Variants in WDR49 observed in about 807,000 individuals in gnomAD.
The protein encoded by WDR49 is WD repeat domain 49, also known as cilia- and flagella-associated protein 337.
A neutral mutation model predicts 119.5 loss-of-function variants in WDR49; 107 were observed. The observed-to-expected ratio is 0.90, with a 90% CI of 0.77 to 1.05. WDR49 has a LOEUF of 1.05. Ranked by LOEUF, WDR49 falls within the 50% of genes least tolerant of loss-of-function variation. The probability of loss-of-function intolerance (pLI) is 0.00; values close to 1 mark genes in which losing one functional copy is unlikely to be tolerated. For synonymous variants in WDR49, 425 were observed against 418.8 expected (o/e 1.01, Z -0.18); for missense variants, 1,240 against 1,220.5 (o/e 1.02, Z -0.24).
At chr3:167,652,805 A>C (rs950500015) in intron 2 of WDR49, among the ~76,000 whole-genome samples, 3 of 152,194 alleles carry the variant, frequency 2.0e-5, no homozygotes, top group African/African-American at 7.2e-5. Context: ...GAGCTGTGCC[A>C]CTTAGGGTGA....
intron 16 of WDR49, among the ~76,000 whole-genome samples, chr3:167,517,703 C>CA (rs1752272582): frequency 1.4e-5 from 2 of 140,734 alleles, no homozygotes; most frequent in African/African-American, 5.2e-5. Context: ...TTAACCTTTA[C>CA]TTTTTTTTTC....
intron 5 of WDR49, among the ~76,000 whole-genome samples, chr3:167,610,267 G>C (rs778293192): frequency 6.6e-6 from 1 of 152,156 alleles, no homozygotes; most frequent in Non-Finnish European, 1.5e-5. Context: ...CTTGACTCTT[G>C]GATGGAATTT....
intron 10 of WDR49, among the ~76,000 whole-genome samples, chr3:167,549,475 G>T (rs960790939): frequency 2.0e-5 from 3 of 152,128 alleles, no homozygotes; most frequent in Non-Finnish European, 4.4e-5. Flanking sequence ...GTGTCTGTTG[G>T]CTGCATAAAT....
At chr3:167,630,740 A>G (rs1717332365) in intron 2 of WDR49, among the ~76,000 whole-genome samples, 1 of 152,114 alleles carries the variant, frequency 6.6e-6, no homozygotes, top group South Asian at 2.1e-4. Context: ...CATTGTTCCT[A>G]CGGGAAACAC....
intron 3 of WDR49, 30 bp downstream of exon 3, chr3:167,626,822 G>C: frequency 8.1e-7 from 1 of 1,230,616 alleles, no homozygotes; most frequent in Non-Finnish European, 1.0e-6. Context: ...TCTTTTACAA[G>C]CAGTACATTT....
chr3:167,525,876 C>CT (rs1752612550), intron 15 of WDR49, among the ~76,000 whole-genome samples: 1 of 151,590 alleles, frequency 6.6e-6, no homozygotes, highest in Non-Finnish European at 1.5e-5. Context: ...AAAAACTTCC[C>CT]TTTTCTCCTC....
rs60448205 is a variant in WDR49, at chr3:167,560,784, TAA to T, written c.1510-558_1510-557del. On this transcript the variant is annotated intron_variant, in intron 8 of 18. Transcript: ENST00000682715. ...CTAAACACAATTATTGATAGATTAC[TAA>T]AAAAAAAAAAAAAGAGCACAGGTTA... Among the ~76,000 whole-genome samples, 450 of 135,672 alleles carry T rather than the reference TAA, an allele frequency of 3.3e-3. 5 individuals carry two copies. The highest frequency in any genetic ancestry group is 8.9e-3 in the African/African-American group (333 of 37,288). 89.0% of individuals were successfully genotyped at this position (135,672 alleles called of 152,430 possible).
intron 2 of WDR49, among the ~76,000 whole-genome samples, chr3:167,630,839 A>T (rs1717336716): frequency 6.6e-6 from 1 of 152,100 alleles, no homozygotes; most frequent in South Asian, 2.1e-4. Flanking sequence ...CTTATTTAAT[A>T]TATTGTTAAT....
chr3:167,652,326 G>A (rs1002599814), intron 2 of WDR49, among the ~76,000 whole-genome samples: 1 of 152,132 alleles, frequency 6.6e-6, no homozygotes, highest in Non-Finnish European at 1.5e-5. Context: ...CCTATTACAG[G>A]CTAATATATT....
chr3:167,569,417 C>G (rs1002134773), intron 8 of WDR49, among the ~76,000 whole-genome samples: 1 of 152,002 alleles, frequency 6.6e-6, no homozygotes, highest in Admixed American at 6.6e-5. Flanking sequence ...ACATACGTAT[C>G]TTTTATGCAT....
intron 15 of WDR49, among the ~76,000 whole-genome samples, chr3:167,526,486 A>G (rs1036956453): frequency 9.2e-5 from 14 of 152,114 alleles, no homozygotes; most frequent in African/African-American, 3.4e-4. Context: ...CAGTGGCCTG[A>G]AGCAGGCTTC....
At chr3:167,586,698 G>A (rs955691281) in intron 7 of WDR49, among the ~76,000 whole-genome samples, 52 of 152,176 alleles carry the variant, frequency 3.4e-4, no homozygotes, top group African/African-American at 1.3e-3. Context: ...TTGTAAAGAC[G>A]TAAAGACTGA....
In WDR49 at chr3:167,579,101, T is replaced by A. The variant is rs79184714; in HGVS notation, c.1276-2950A>T. Among the ~76,000 whole-genome samples the A allele has an allele frequency of 6.7e-3, 1,025 of 152,196 alleles. 55 individuals carry two copies. The East Asian group carries it at 0.13, about 20-fold the overall frequency. Reference sequence around the variant, plus strand: ...TGTGAAGAAGGCCCTTGATTCCCCTTCACCTTCTGCCATAATTGTATATTC... The same window carrying A: ...TGTGAAGAAGGCCCTTGATTCCCCTACACCTTCTGCCATAATTGTATATTC... On this transcript the variant is annotated intron_variant, in intron 7 of 18. Coordinates refer to ENST00000682715, the MANE Select transcript of WDR49 (RefSeq NM_001366157.1).
intron 18 of WDR49, among the ~76,000 whole-genome samples, chr3:167,495,212 C>T (rs1751307004): frequency 6.6e-6 from 1 of 151,586 alleles, no homozygotes; most frequent in Non-Finnish European, 1.5e-5. Context: ...AGTTAGTCAA[C>T]CAAGACTTTA....
Position 167,560,218 on chromosome 3 carries a change from G to A in WDR49, c.1520C>T (p.Ser507Phe), listed in dbSNP as rs533599054. 3.1e-6 allele frequency: 5 copies of A among 1,612,468 alleles called. No individual in the cohort carries two copies. Among genetic ancestry groups the A allele is most frequent in the Admixed American group, 1.7e-5 (1 of 59,622 alleles). ...GAAGGAAACAGTAGACCCTGTATCA[G>A]AGCTGATTACCTAAGAGAAAATAAC... ...YNSILKQVIS[S>F]DTGSTVSFWM... The change falls in exon 9 of 19, where the codon TCT (serine) becomes TTT (phenylalanine). Residue 507 changes from serine (S) to phenylalanine (F), a missense_variant. Ser to Phe is a radical substitution (Grantham distance 155, BLOSUM62 -2). Coordinates refer to ENST00000682715, the MANE Select transcript of WDR49 (RefSeq NM_001366157.1).
chr3:167,535,314 T>C (rs1752982926), intron 11 of WDR49, among the ~76,000 whole-genome samples: 1 of 152,022 alleles, frequency 6.6e-6, no homozygotes, highest in Non-Finnish European at 1.5e-5. Flanking sequence ...ACCTACAAAA[T>C]GGGAGAAGAT....
intron 13 of WDR49, among the ~76,000 whole-genome samples, chr3:167,530,693 C>G (rs1239182361): frequency 6.6e-6 from 1 of 152,036 alleles, no homozygotes; most frequent in Non-Finnish European, 1.5e-5. Context: ...CTCTTCCAGC[C>G]TATTTTGATT....
Position 167,513,858 on chromosome 3 carries a change from C to CA in WDR49, c.2775-8443dup, listed in dbSNP as rs891670234. ...TTAAACTAACAAAGATCAAAAAAGA[C>CA]AAAAAAAGGCATTACATAATGGTAA... is the stretch of plus-strand genomic sequence containing the variant. On this transcript the variant is annotated intron_variant, in intron 16 of 18. Coordinates refer to ENST00000682715, the MANE Select transcript of WDR49 (RefSeq NM_001366157.1). 2.0e-5 allele frequency among the ~76,000 whole-genome samples: 3 copies of CA among 151,676 alleles called. No homozygotes were observed. The East Asian group carries it at 5.8e-4, about 29-fold the overall frequency.
chr3:167,605,641 A>T (rs1257881764), intron 5 of WDR49, among the ~76,000 whole-genome samples: 1 of 152,212 alleles, frequency 6.6e-6, no homozygotes, highest in African/African-American at 2.4e-5. Flanking sequence ...GAAAAAAGAA[A>T]TCAGTGTGAC....
Sources: gnomAD v4.1 joint callset for allele counts (sites outside exome capture counted in the v4.1 genomes callset) on GRCh38, gnomAD v4.1.1 for gene constraint, MANE v1.5 for transcripts, NCBI Gene and HGNC (gene_info 2026-07-23, HGNC 2026-07-21) for gene names.